The following CNTN4 variants were observed in gnomAD, a reference collection of about 807,000 sequenced individuals.
The protein encoded by CNTN4 is contactin 4, also known as contactin-4.
CNTN4 carries 77 observed loss-of-function variants against 122.5 expected under a neutral mutation model. The ratio of observed to expected loss-of-function variants is 0.63; its 90% CI spans 0.52 to 0.76. The LOEUF (loss-of-function observed/expected upper bound fraction) is 0.76. CNTN4 is among the 30% of genes least tolerant of loss of function. The pLI, the probability that CNTN4 is intolerant of heterozygous loss-of-function variation, is 0.00. For synonymous variants in CNTN4, 512 were observed against 447.0 expected, an observed-to-expected ratio of 1.15 and a Z score of -1.83; for missense variants, 1,256 against 1,259.1, an observed-to-expected ratio of 1.00 and a Z score of 0.04.
At chr3:2,333,469 G>A (rs978447271) in intron 2 of CNTN4, among the ~76,000 whole-genome samples, 3 of 152,162 alleles carry the variant, frequency 2.0e-5, no homozygotes, top group African/African-American at 4.8e-5. Flanking sequence ...AGAGCTGTAG[G>A]GACCCTTGTT....
At chr3:2,328,849 G>A (rs1153480) in intron 2 of CNTN4, among the ~76,000 whole-genome samples, 50,561 of 151,840 alleles carry the variant, frequency 0.33, 8,587 homozygotes, top group Admixed American at 0.39. Flanking sequence ...ATCTGCAGGG[G>A]GTTCTGGAAC....
At chr3:2,527,489 G>A (rs2077440626) in intron 3 of CNTN4, among the ~76,000 whole-genome samples, 1 of 152,242 alleles carries the variant, frequency 6.6e-6, no homozygotes, top group Non-Finnish European at 1.5e-5. Flanking sequence ...GGTGGCTGTG[G>A]AGAAACGTCT....
chr3:2,546,337 A>C, intron 3 of CNTN4, among the ~76,000 whole-genome samples: 1 of 151,938 alleles, frequency 6.6e-6, no homozygotes, highest in African/African-American at 2.4e-5. Flanking sequence ...AAAAAAAAAA[A>C]GAACAAGATA....
chr3:2,930,421 TGTG>T (rs1325248202), intron 13 of CNTN4, among the ~76,000 whole-genome samples: 1 of 152,196 alleles, frequency 6.6e-6, no homozygotes, highest in African/African-American at 2.4e-5. Context: ...TAAAAATTAA[TGTG>T]GTGCTTAGAC....
chr3:2,308,628 T>A (rs1173982467), intron 2 of CNTN4, among the ~76,000 whole-genome samples: 1 of 152,104 alleles, frequency 6.6e-6, no homozygotes, highest in Non-Finnish European at 1.5e-5. Context: ...ATTTCCCTTT[T>A]GATTTTTTTC....
intron 4 of CNTN4, among the ~76,000 whole-genome samples, chr3:2,614,528 G>C (rs2081630760): frequency 6.6e-6 from 1 of 152,126 alleles, no homozygotes; most frequent in African/African-American, 2.4e-5. Flanking sequence ...GACCAAACTG[G>C]TGTAGTGAAA....
At chr3:2,772,572 A>G (rs1201571156) in intron 6 of CNTN4, among the ~76,000 whole-genome samples, 2 of 152,186 alleles carry the variant, frequency 1.3e-5, no homozygotes, top group Non-Finnish European at 2.9e-5. Flanking sequence ...TGTGTGATTT[A>G]TCACACAAAC....
At chr3:2,448,417 T>C (rs2048703338) in intron 3 of CNTN4, among the ~76,000 whole-genome samples, 1 of 152,176 alleles carries the variant, frequency 6.6e-6, no homozygotes, top group Admixed American at 6.5e-5. Flanking sequence ...TTCTCGACTG[T>C]TGGAGTGATA....
At chr3:2,216,085 C>A (rs111716253) in intron 2 of CNTN4, among the ~76,000 whole-genome samples, 2 of 152,002 alleles carry the variant, frequency 1.3e-5, no homozygotes, top group African/African-American at 4.8e-5. Context: ...CACATGCACA[C>A]GAATGTTCAC....
Position 2,374,242 on chromosome 3 carries a change from C to A in CNTN4, c.-89+35009C>A, listed in dbSNP as rs1019851928. The stretch of plus-strand genomic sequence containing the variant: ...GCTTGTGTGGAAAATACAGAATGAC[C>A]TATCCCTGGATCCCAGACAGAGTTT... On this transcript the variant is annotated intron_variant, in intron 3 of 24. Coordinates refer to ENST00000418658, the MANE Select transcript of CNTN4 (RefSeq NM_175607.3). Among the ~76,000 whole-genome samples, 4 of 152,284 alleles carry A rather than the reference C, an allele frequency of 2.6e-5. No homozygotes were observed. In the East Asian group the frequency reaches 5.8e-4, roughly 22 times the overall value.
At position 2,911,397 on chromosome 3, in the gene CNTN4, G is replaced by A. The variant is rs571411752; in HGVS notation, c.1207+8392G>A. On this transcript the variant is annotated intron_variant, in intron 12 of 24. Transcript: ENST00000418658. ...TTACATACAAAAGCCCAGAGAAGAT[G>A]CATCATCAGAAAAGGCTTGAGAGAT... Among the ~76,000 whole-genome samples the A allele has an allele frequency of 3.9e-5, 6 of 152,300 alleles. No homozygotes were observed. The South Asian group carries it at 1.2e-3, about 32-fold the overall frequency.
intron 3 of CNTN4, among the ~76,000 whole-genome samples, chr3:2,416,379 T>C (rs1183469805): frequency 6.6e-6 from 1 of 152,280 alleles, no homozygotes; most frequent in East Asian, 1.9e-4. Context: ...AAATTGGAGA[T>C]AGTAGGAATA....
chr3:2,751,463 G>A (rs2090087515), intron 6 of CNTN4, among the ~76,000 whole-genome samples: 1 of 152,164 alleles, frequency 6.6e-6, no homozygotes, highest in Non-Finnish European at 1.5e-5. Context: ...TTGAGCTTAA[G>A]CATACCTCCC....
At chr3:2,830,949 T>A (rs1382289253) in intron 7 of CNTN4, among the ~76,000 whole-genome samples, 1 of 152,102 alleles carries the variant, frequency 6.6e-6, no homozygotes, top group East Asian at 1.9e-4. Flanking sequence ...GGTTAGGAGC[T>A]CAGAAATCGA....
intron 6 of CNTN4, among the ~76,000 whole-genome samples, chr3:2,767,747 A>G (rs142263863): frequency 1.3e-5 from 2 of 152,294 alleles, no homozygotes; most frequent in African/African-American, 4.8e-5. Flanking sequence ...CGATAATAAG[A>G]AGCAAAGTCT....
At chr3:2,134,284 TAAATC>T (rs1485151928) in intron 2 of CNTN4, among the ~76,000 whole-genome samples, 1 of 152,216 alleles carries the variant, frequency 6.6e-6, no homozygotes, top group Non-Finnish European at 1.5e-5. Flanking sequence ...TGAGGTTTAT[TAAATC>T]AGAATCTCCA....
At chr3:2,525,368 T>C (rs1264343193) in intron 3 of CNTN4, among the ~76,000 whole-genome samples, 5 of 152,166 alleles carry the variant, frequency 3.3e-5, no homozygotes, top group Admixed American at 1.3e-4. Context: ...ACCTGAATCA[T>C]AAAAGGTATT....
At chr3:2,323,904 C>T (rs2043357050) in intron 2 of CNTN4, among the ~76,000 whole-genome samples, 1 of 152,148 alleles carries the variant, frequency 6.6e-6, no homozygotes, top group African/African-American at 2.4e-5. Flanking sequence ...CATTGGCAAT[C>T]CAGAGAGTGC....
At chr3:2,753,094 A>G (rs1163245159) in intron 6 of CNTN4, among the ~76,000 whole-genome samples, 2 of 152,182 alleles carry the variant, frequency 1.3e-5, no homozygotes, top group Non-Finnish European at 2.9e-5. Context: ...AAGTGCCAAT[A>G]TATCTTTGAT....
Sources: allele counts gnomAD v4.1 joint callset (sites outside exome capture counted in the v4.1 genomes callset), GRCh38; gene constraint gnomAD v4.1.1; transcripts MANE v1.5; gene names NCBI Gene and HGNC (gene_info 2026-07-23, HGNC 2026-07-21).